Variants in DNASE1L3 observed in about 807,000 individuals in gnomAD.
The protein encoded by DNASE1L3 is deoxyribonuclease 1L3.
DNASE1L3 carries 27 observed loss-of-function variants against 30.9 expected under a neutral mutation model. The observed-to-expected ratio is 0.87, with a 90% CI of 0.64 to 1.20. DNASE1L3 has a LOEUF of 1.20. Ranked by LOEUF, DNASE1L3 falls within the 50% of genes most tolerant of loss-of-function variation. The pLI is 0.00. For missense variants in DNASE1L3, 364 were observed against 378.2 expected (o/e 0.96, Z 0.31); for synonymous variants, 135 against 138.0 (o/e 0.98, Z 0.15).
chr3:58,196,056 C>T (rs925131375), intron 6 of DNASE1L3, among the ~76,000 whole-genome samples: 4 of 152,094 alleles, frequency 2.6e-5, no homozygotes, highest in Admixed American at 1.3e-4. Context: ...AGAAGAATGG[C>T]GCTGGAGAAG....
intron 5 of DNASE1L3, 148 bp from the exon 6 acceptor site, chr3:58,198,126 C>T (rs1351025862): frequency 8.0e-6 from 7 of 872,606 alleles, no homozygotes; most frequent in South Asian, 3.6e-5. Flanking sequence ...GCTCCCGCCC[C>T]GGCCAAATTC....
At chr3:58,198,088 G>T (rs948604137) in intron 5 of DNASE1L3, 110 bp from the exon 6 acceptor site, 2 of 1,256,220 alleles carry the variant, frequency 1.6e-6, no homozygotes, top group Admixed American at 5.5e-5. Flanking sequence ...AACAGGGTCT[G>T]TTATGGGCTG....
rs548464482 is a variant in DNASE1L3 at position 58,200,702 on chromosome 3, A to T, written c.546+295T>A. Among the ~76,000 whole-genome samples, 1 of 152,316 alleles carries T rather than the reference A, an allele frequency of 6.6e-6. No individual in the cohort carries two copies. Among genetic ancestry groups the T allele is most frequent in the Non-Finnish European group, 1.5e-5 (1 of 68,026 alleles). On this transcript the variant is annotated intron_variant, in intron 5 of 7. Transcript: ENST00000394549. The surrounding 1 kb of genome is among the most constrained non-coding windows in gnomAD (Gnocchi z 4.2). The stretch of plus-strand genomic sequence containing the variant: ...AGGGATTATTGGGAGGATTAAATAA[A>T]CTTGTCCATGTCAAGTCTCAGCACA...
intron 2 of DNASE1L3, chr3:58,207,809 G>A (rs886673235): frequency 2.4e-5 from 4 of 169,844 alleles, no homozygotes; most frequent in South Asian, 1.5e-4. Flanking sequence ...CTATAGGCAC[G>A]TGCCACCACA....
chr3:58,210,668 A>G, intron 1 of DNASE1L3, 98 bp downstream of exon 1: 3 of 1,571,614 alleles, frequency 1.9e-6, no homozygotes, highest in Admixed American at 3.5e-5. Flanking sequence ...CATTCCCCCT[A>G]AGGGCCAACT....
At position 58,197,270 on chromosome 3, in the gene DNASE1L3, A is replaced by G. The variant is rs115174621; in HGVS notation, c.704+551T>C. Among the ~76,000 whole-genome samples, 1,766 of 152,286 alleles carry G rather than the reference A, an allele frequency of 0.012. 27 individuals carry two copies. Among genetic ancestry groups the G allele is most frequent in the Middle Eastern group, 0.031 (9 of 294 alleles). Reference sequence around the variant, plus strand: ...CTCTTGGTCACAGACATATGAAGTGATAATGTCAGGATTTAAATCCAGGCC... The same window carrying G: ...CTCTTGGTCACAGACATATGAAGTGGTAATGTCAGGATTTAAATCCAGGCC... On this transcript the variant is annotated intron_variant, in intron 6 of 7. Coordinates refer to ENST00000394549, the MANE Select transcript of DNASE1L3 (RefSeq NM_004944.4). This position sits in a 1 kb window ranked among gnomAD's most constrained non-coding sequence, Gnocchi z 5.3.
Position 58,202,057 on chromosome 3 carries a change from G to A in DNASE1L3, c.434-948C>T, listed in dbSNP as rs569133505. Among the ~76,000 whole-genome samples, 4 of 151,426 alleles carry A rather than the reference G, an allele frequency of 2.6e-5. 1 individual carries two copies. In the South Asian group the frequency reaches 6.3e-4, roughly 24 times the overall value. Reference sequence around the variant, plus strand: ...CAAATCTGTATTTTCTTTTGTTTCTGATGTATTTTATCCCTCTTCTTTCTT... The same window carrying A: ...CAAATCTGTATTTTCTTTTGTTTCTAATGTATTTTATCCCTCTTCTTTCTT... On this transcript the variant is annotated intron_variant, in intron 4 of 7. Transcript: ENST00000394549.
rs374318062 is a variant in DNASE1L3, at chr3:58,192,694, C to T, written c.911G>A (p.Arg304His). The T allele has an allele frequency of 1.1e-5, 18 of 1,613,828 alleles. No homozygotes were observed. Among genetic ancestry groups the T allele is most frequent in the African/African-American group, 4.0e-5 (3 of 74,898 alleles). ...AAGATGAGACCCTTGGGTCTAGGAG[C>T]GTTTGCTCTTTGTTTTCTTCCTTAG... ...VTLRKKTKSKRS is the reference protein window; with the variant it reads ...VTLRKKTKSKHS Residue 304 changes from arginine to histidine, a missense_variant, in exon 8 of 8, where the codon CGC (arginine) becomes CAC (histidine). By Grantham distance (29) the Arg-to-His change is conservative (BLOSUM62 0). Transcript: ENST00000394549. The surrounding 1 kb of genome is among the most constrained non-coding windows in gnomAD (Gnocchi z 4.8).
At chr3:58,207,982 A>G (rs1434180050) in intron 2 of DNASE1L3, 2 of 421,272 alleles carry the variant, frequency 4.7e-6, no homozygotes, top group Non-Finnish European at 8.4e-6. Context: ...TGCTTTTTTC[A>G]TTTCTTTCTG....
intron 2 of DNASE1L3, 42 bp from the exon 3 acceptor site, chr3:58,205,602 A>G (rs569181582): frequency 4.0e-5 from 60 of 1,511,214 alleles, no homozygotes; most frequent in Non-Finnish European, 5.1e-5. Flanking sequence ...AAGAGTAAAC[A>G]TTCCCCTACT....
chr3:58,205,449 A>G (rs1439572744), intron 3 of DNASE1L3, 22 bp downstream of exon 3: 1 of 1,585,476 alleles, frequency 6.3e-7, no homozygotes, highest in Non-Finnish European at 8.7e-7. Context: ...GCCATGTTCC[A>G]GGGAGCATAG....
chr3:58,195,338 G>A (rs1425242624), intron 6 of DNASE1L3, among the ~76,000 whole-genome samples: 2 of 152,042 alleles, frequency 1.3e-5, no homozygotes, highest in Non-Finnish European at 2.9e-5. Context: ...AGGCTGGAGT[G>A]CCGTGGCTAT....
At chr3:58,193,094 TGAGACAG>T in intron 7 of DNASE1L3, 1 of 1,339,562 alleles carries the variant, frequency 7.5e-7, no homozygotes, top group African/African-American at 1.7e-5. Context: ...TTTTTTTTTT[TGAGACAG>T]GATCTCACTC....
Position 58,207,449 on chromosome 3 carries a change from C to G in DNASE1L3, c.230+769G>C, listed in dbSNP as rs866467671. 2.1e-4 allele frequency among the ~76,000 whole-genome samples: 11 copies of G among 53,410 alleles called. 2 individuals are homozygous for G. In the East Asian group the frequency reaches 6.3e-3, roughly 30 times the overall value. The allele number at this position is 53,410 out of a possible 152,430, so 35.0% of individuals were successfully genotyped here. On this transcript the variant is annotated intron_variant, in intron 2 of 7. Coordinates refer to ENST00000394549, the MANE Select transcript of DNASE1L3 (RefSeq NM_004944.4). ...CACAGCTCTCTGATCACACCCCCCC[C>G]CCCCCCACCAGAAGTAACCACTATT...
chr3:58,209,268 G>T (rs2097406119), intron 1 of DNASE1L3, among the ~76,000 whole-genome samples: 1 of 152,186 alleles, frequency 6.6e-6, no homozygotes, highest in Admixed American at 6.5e-5. Context: ...GACATGCTCT[G>T]CAGGACACAG....
At chr3:58,210,624 A>T in intron 1 of DNASE1L3, 142 bp downstream of exon 1, 3 of 1,266,076 alleles carry the variant, frequency 2.4e-6, no homozygotes, top group Non-Finnish European at 3.3e-6. Context: ...AGGTACAGAG[A>T]GTTGAAGTGG....
rs925725302 is a variant in DNASE1L3 at position 58,197,557 on chromosome 3, A to T, written c.704+264T>A. ...AGCCTCCACCTTCTGGGCTCAAGCG[A>T]TCCTCCCACCTCAGCCTCCTGAGTA... is the stretch of plus-strand genomic sequence containing the variant. On this transcript the variant is annotated intron_variant, in intron 6 of 7. Transcript: ENST00000394549. This position sits in a 1 kb window ranked among gnomAD's most constrained non-coding sequence, Gnocchi z 5.3. 7.9e-5 allele frequency among the ~76,000 whole-genome samples: 12 copies of T among 152,030 alleles called. No homozygotes were observed. Among genetic ancestry groups the T allele is most frequent in the African/African-American group, 2.9e-4 (12 of 41,370 alleles).
chr3:58,193,208 C>T, intron 7 of DNASE1L3, 135 bp downstream of exon 7: 1 of 1,439,340 alleles, frequency 6.9e-7, no homozygotes, highest in Non-Finnish European at 9.3e-7. Context: ...TCCCAAGTAG[C>T]TGGGACCATA....
chr3:58,205,576 T>A lies in DNASE1L3; in HGVS notation c.231-16A>T. 1 of 1,596,930 alleles carries A rather than the reference T, an allele frequency of 6.3e-7. No individual in the cohort carries two copies. Among genetic ancestry groups the A allele is most frequent in the South Asian group, 1.1e-5 (1 of 90,634 alleles). Reference sequence around the variant, plus strand: ...CCTTGAATTTCTAGAAAACAAAGATTTAACACTGCATCTTGAAGAGTAAAC... The same window carrying A: ...CCTTGAATTTCTAGAAAACAAAGATATAACACTGCATCTTGAAGAGTAAAC... On this transcript the variant is annotated splice_polypyrimidine_tract_variant and intron_variant, in intron 2 of 7. Coordinates refer to ENST00000394549, the MANE Select transcript of DNASE1L3 (RefSeq NM_004944.4).
Sources: allele counts gnomAD v4.1 joint callset (sites outside exome capture counted in the v4.1 genomes callset), GRCh38; gene constraint gnomAD v4.1.1; non-coding constraint Gnocchi (gnomAD v3.1); transcripts MANE v1.5; gene names NCBI Gene and HGNC (gene_info 2026-07-23, HGNC 2026-07-21).